CCL25: variants seen among roughly 807,000 people sequenced by gnomAD.
The protein encoded by CCL25 is C-C motif chemokine 25.
A neutral mutation model predicts 19.9 loss-of-function variants in CCL25; 14 were observed. The observed-to-expected ratio is 0.70, with a 90% confidence interval of 0.47 to 1.10. The LOEUF is 1.10. CCL25 is among the 50% of genes least tolerant of loss of function. CCL25 has a pLI of 0.00. For missense variants in CCL25, 151 were observed against 181.2 expected (o/e 0.83, Z 0.96); for synonymous variants, 68 against 73.2 (o/e 0.93, Z 0.36).
At chr19:8,058,849 G>A (rs1208337545) in intron 5 of CCL25, among the ~76,000 whole-genome samples, 1 of 139,790 alleles carries the variant, frequency 7.2e-6, no homozygotes, top group African/African-American at 2.6e-5. Context: ...TAGTAGAGAC[G>A]GGGTTTCACC....
chr19:8,062,443 C>T lies in CCL25; in HGVS notation c.*218C>T, dbSNP rs750232181. On this transcript the variant is annotated 3_prime_UTR_variant, in exon 6 of 6. Coordinates refer to ENST00000315626, the MANE Select transcript of CCL25 (RefSeq NM_005624.4). ...CCTGATTTTAAGCCTTTTGCCGCTC[C>T]GGGGACCAGCAGCAATCCTGGGCAG... 6.0e-5 allele frequency: 34 copies of T among 570,594 alleles called. No individual in the cohort carries two copies. Among genetic ancestry groups the T allele is most frequent in the Non-Finnish European group, 9.4e-5 (30 of 318,240 alleles). 35.3% of individuals were successfully genotyped at this position (570,594 alleles called of 1,614,324 possible). A position where few individuals can be genotyped will look rare whatever the true frequency, so the allele number is the denominator to read the frequency against.
At chr19:8,059,815 C>T (rs1444433751) in intron 5 of CCL25, among the ~76,000 whole-genome samples, 4 of 152,020 alleles carry the variant, frequency 2.6e-5, no homozygotes, top group Non-Finnish European at 4.4e-5. Context: ...GATGGCCGGG[C>T]GCGGTGGCTC....
chr19:8,056,393 G>T lies in CCL25; in HGVS notation c.219G>T (p.Lys73Asn). The part of the protein sequence containing the change: ...AIFYLPKRHR[K>N]VCGNPKSREV... ...TCTACCTCCCCAAGAGACACAGGAA[G>T]GTGTGTGGGAACCCCAAAAGCAGGG... The change falls in exon 4 of 6, where the codon AAG (lysine) becomes AAT (asparagine). Residue 73 changes from lysine (K) to asparagine (N), a missense_variant. Coordinates refer to ENST00000315626, the MANE Select transcript of CCL25 (RefSeq NM_005624.4). The T allele has an allele frequency of 6.2e-7, 1 of 1,613,880 alleles. No homozygotes were observed. Among genetic ancestry groups the T allele is most frequent in the Non-Finnish European group, 8.5e-7 (1 of 1,179,920 alleles).
intron 5 of CCL25, among the ~76,000 whole-genome samples, chr19:8,059,141 TATAA>T: frequency 4.8e-5 from 1 of 20,850 alleles, no homozygotes; most frequent in African/African-American, 1.4e-4. Context: ...ATATATATTA[TATAA>T]TATATAATAT....
chr19:8,059,443 C>T (rs893473219), intron 5 of CCL25, among the ~76,000 whole-genome samples: 1 of 151,606 alleles, frequency 6.6e-6, no homozygotes, highest in East Asian at 1.9e-4. Flanking sequence ...AAGCAATTCT[C>T]CCACCTCGGC....
Position 8,055,240 on chromosome 19 carries a change from A to G in CCL25, c.74-912A>G, listed in dbSNP as rs188269035. Among the ~76,000 whole-genome samples the G allele has an allele frequency of 4.2e-3, 536 of 129,094 alleles. 7 individuals are homozygous for G. The highest frequency in any genetic ancestry group is 0.014 in the African/African-American group (506 of 35,346). The allele number at this position is 129,094 out of a possible 152,430, so 84.7% of individuals were successfully genotyped here. On this transcript the variant is annotated intron_variant, in intron 2 of 5. Transcript: ENST00000315626. Reference sequence around the variant, plus strand: ...GGAGGCAGAGGTTGCAGTGAGCTGAAATTGAGCCACTGCACTCCAGCCTGG... The same window carrying G: ...GGAGGCAGAGGTTGCAGTGAGCTGAGATTGAGCCACTGCACTCCAGCCTGG...
At chr19:8,059,068 A>AT (rs1568335870) in intron 5 of CCL25, among the ~76,000 whole-genome samples, 1 of 50,772 alleles carries the variant, frequency 2.0e-5, no homozygotes, top group African/African-American at 5.8e-5. Flanking sequence ...AAATATATAT[A>AT]ATATATAATA....
In CCL25 at chr19:8,057,867, A is replaced by G. The variant is rs1277269421; in HGVS notation, c.392A>G (p.Asn131Ser). 1 of 1,613,594 alleles carries G rather than the reference A, an allele frequency of 6.2e-7. No individual in the cohort carries two copies. The highest frequency in any genetic ancestry group is 8.5e-7 in the Non-Finnish European group (1 of 1,179,618). Residue 131 changes from asparagine (N) to serine (S), a missense_variant, in exon 5 of 6, where the codon AAT becomes AGT. Transcript: ENST00000315626. Reference protein sequence around the residue: ...NSKLSSSKFSNPISSSKRNVS... With the variant: ...NSKLSSSKFSSPISSSKRNVS... ...AAGTTATCATCGTCCAAGTTTAGCA[A>G]TCCCATCAGCAGCAGTAAGAGGAAT...
intron 5 of CCL25, among the ~76,000 whole-genome samples, chr19:8,059,012 TATATA>T (rs1276230746): frequency 2.4e-5 from 3 of 123,318 alleles, no homozygotes; most frequent in East Asian, 2.2e-4. Flanking sequence ...AATATATAAA[TATATA>T]ATATAAATAT....
intron 5 of CCL25, among the ~76,000 whole-genome samples, chr19:8,060,714 T>A (rs2081311838): frequency 6.6e-6 from 1 of 151,046 alleles, no homozygotes; most frequent in Admixed American, 6.6e-5. Context: ...GGAGTCTTGC[T>A]CTGTCACCCA....
chr19:8,062,112 C>T (rs1031888482), intron 5 of CCL25, 106 bp from the exon 6 acceptor site: 20 of 975,150 alleles, frequency 2.1e-5, no homozygotes, highest in Non-Finnish European at 3.0e-5. Flanking sequence ...CAGAAATTCA[C>T]AAGGGTTTTA....
chr19:8,061,934 C>A (rs62124693), intron 5 of CCL25, among the ~76,000 whole-genome samples: 2,780 of 151,416 alleles, frequency 0.018, 40 homozygotes, highest in Non-Finnish European at 0.03. Context: ...CCTGTAGTTG[C>A]AGCTACTAGG....
chr19:8,060,776 G>A (rs2145299751), intron 5 of CCL25, among the ~76,000 whole-genome samples: 1 of 151,934 alleles, frequency 6.6e-6, no homozygotes, highest in Admixed American at 6.6e-5. Flanking sequence ...TGCCTCCCGG[G>A]TTCACGCCAT....
chr19:8,056,740 C>A (rs2081275285), intron 4 of CCL25, among the ~76,000 whole-genome samples: 1 of 152,218 alleles, frequency 6.6e-6, no homozygotes. Flanking sequence ...AGTGCAGTAG[C>A]ATGATCATAG....
intron 5 of CCL25, among the ~76,000 whole-genome samples, chr19:8,059,591 C>G (rs1422959267): frequency 6.6e-6 from 1 of 152,142 alleles, no homozygotes; most frequent in Non-Finnish European, 1.5e-5. Flanking sequence ...TTGCAAGTAG[C>G]AAGTTGTCAC....
In CCL25 at chr19:8,053,037, A is replaced by T; in HGVS notation, c.-13A>T. On this transcript the variant is annotated 5_prime_UTR_variant, in exon 2 of 6. Coordinates refer to ENST00000315626, the MANE Select transcript of CCL25 (RefSeq NM_005624.4). ...TTCGTCCAGGTGCCCAGGGAGGAGGACCCGCCTGCAGCATGAACCTGTGGC... is the reference window on the plus strand; with the variant it reads ...TTCGTCCAGGTGCCCAGGGAGGAGGTCCCGCCTGCAGCATGAACCTGTGGC... 6.5e-7 allele frequency: 1 copy of T among 1,542,554 alleles called. No individual in the cohort carries two copies. Among genetic ancestry groups the T allele is most frequent in the Non-Finnish European group, 8.7e-7 (1 of 1,143,450 alleles).
In CCL25 at chr19:8,062,347, C is replaced by A; in HGVS notation, c.*122C>A. 1.8e-6 allele frequency: 2 copies of A among 1,089,916 alleles called. No homozygotes were observed. The highest frequency in any genetic ancestry group is 1.3e-5 in the South Asian group (1 of 77,196). The allele number at this position is 1,089,916 out of a possible 1,614,324, so 67.5% of individuals were successfully genotyped here. A position where few individuals can be genotyped will look rare whatever the true frequency, so the allele number is the denominator to read the frequency against. On this transcript the variant is annotated 3_prime_UTR_variant, in exon 6 of 6. Coordinates refer to ENST00000315626, the MANE Select transcript of CCL25 (RefSeq NM_005624.4). ...CTTTTGGGTCAAGTCTTAATCCCTG[C>A]ACCTGAGTTGGTCCTCCCTCTGCAC...
At chr19:8,057,239 C>T (rs1032316766) in intron 4 of CCL25, among the ~76,000 whole-genome samples, 1 of 152,074 alleles carries the variant, frequency 6.6e-6, no homozygotes, top group South Asian at 2.1e-4. Context: ...AGGCTGGTCT[C>T]GAACTCCTGA....
chr19:8,052,891 A>T (rs2081241955), intron 1 of CCL25, 69 bp downstream of exon 1: 1 of 543,292 alleles, frequency 1.8e-6, no homozygotes, highest in Non-Finnish European at 3.3e-6. Flanking sequence ...TTCCTACTTT[A>T]TACAACCTCC....
Sources: allele counts gnomAD v4.1 joint callset (sites outside exome capture counted in the v4.1 genomes callset), GRCh38; gene constraint gnomAD v4.1.1; transcripts MANE v1.5; gene names NCBI Gene and HGNC (gene_info 2026-07-23, HGNC 2026-07-21).